CACUL1: variants seen among roughly 807,000 people sequenced by gnomAD.
The protein encoded by CACUL1 is CDK2-associated and cullin domain-containing protein 1.
Under a neutral mutation model 45.2 loss-of-function variants are expected in CACUL1, and 13 were observed. That is an observed-to-expected ratio of 0.29 (90% CI 0.19 to 0.46). CACUL1 has a LOEUF of 0.46. Ranked by LOEUF, CACUL1 falls within the 20% of genes least tolerant of loss-of-function variation. The probability of loss-of-function intolerance (pLI) is 1.00; values close to 1 mark genes in which losing one functional copy is unlikely to be tolerated. For missense variants in CACUL1, 421 were observed against 471.4 expected, an observed-to-expected ratio of 0.89 and a Z score of 0.99; for synonymous variants, 197 against 174.2, an observed-to-expected ratio of 1.13 and a Z score of -1.03.
chr10:118,716,520 A>G (rs1324792241), intron 3 of CACUL1, among the ~76,000 whole-genome samples: 1 of 151,986 alleles, frequency 6.6e-6, no homozygotes, highest in Non-Finnish European at 1.5e-5. Context: ...TGTTTATGTT[A>G]TCCAGGTCTG....
chr10:118,703,652 A>G (rs1002897687), intron 4 of CACUL1, among the ~76,000 whole-genome samples: 3 of 152,238 alleles, frequency 2.0e-5, no homozygotes, highest in Non-Finnish European at 4.4e-5. Flanking sequence ...ATAGTCTTCC[A>G]AAGAGGCTTT....
intron 3 of CACUL1, among the ~76,000 whole-genome samples, chr10:118,717,818 AAG>A (rs1398447488): frequency 2.6e-5 from 4 of 152,164 alleles, no homozygotes; most frequent in African/African-American, 9.7e-5. Context: ...CTGGGTCATC[AAG>A]AGAAGGACTG....
At chr10:118,750,640 G>T (rs553606323) in intron 1 of CACUL1, among the ~76,000 whole-genome samples, 1 of 152,072 alleles carries the variant, frequency 6.6e-6, no homozygotes, top group Non-Finnish European at 1.5e-5. Context: ...ACATTAACGC[G>T]GCAGCTATCT....
chr10:118,754,254 G>A (rs1014574245), intron 1 of CACUL1, 142 bp downstream of exon 1: 5 of 1,259,478 alleles, frequency 4.0e-6, no homozygotes, highest in Non-Finnish European at 4.2e-6. Context: ...GGGGAAGGAG[G>A]CAGGGAGGCG....
chr10:118,705,538 A>C (rs1177467520), intron 4 of CACUL1, among the ~76,000 whole-genome samples: 2 of 152,326 alleles, frequency 1.3e-5, no homozygotes, highest in East Asian at 3.9e-4. Flanking sequence ...TAGAAACTCA[A>C]GTTAGTCTAC....
intron 1 of CACUL1, among the ~76,000 whole-genome samples, chr10:118,743,865 T>TAA (rs769001925): frequency 1.3e-4 from 19 of 151,672 alleles, no homozygotes; most frequent in Admixed American, 3.9e-4. Context: ...GAAGATAAAA[T>TAA]AAAGATCTCT....
At chr10:118,724,947 A>C (rs1392989443) in intron 3 of CACUL1, among the ~76,000 whole-genome samples, 2 of 152,078 alleles carry the variant, frequency 1.3e-5, no homozygotes, top group Non-Finnish European at 2.9e-5. Flanking sequence ...GTAGGTCCTA[A>C]TGTTAGGGTC....
At chr10:118,743,241 G>A (rs898006745) in intron 1 of CACUL1, among the ~76,000 whole-genome samples, 1 of 152,006 alleles carries the variant, frequency 6.6e-6, no homozygotes, top group Non-Finnish European at 1.5e-5. Flanking sequence ...GTGACTCATG[G>A]TACAATAACA....
rs17097999 is a variant in CACUL1, at chr10:118,730,556, A to C, written c.368-146T>G. On this transcript the variant is annotated intron_variant, in intron 1 of 8. Transcript: ENST00000369151. ...ATCACCTAACTATCCTATTTCAATT[A>C]AAAACAAAAAAGGCAACCTGGTCAA... is the stretch of plus-strand genomic sequence containing the variant. 880 of 800,190 alleles carry C rather than the reference A, an allele frequency of 1.1e-3. 8 individuals are homozygous for C. The African/African-American group carries it at 0.014, about 13-fold the overall frequency. 49.6% of individuals were successfully genotyped at this position (800,190 alleles called of 1,614,324 possible).
chr10:118,729,171 A>G (rs1260284039), intron 3 of CACUL1, 124 bp downstream of exon 3: 5 of 653,846 alleles, frequency 7.6e-6, no homozygotes, highest in Non-Finnish European at 1.3e-5. Context: ...ACATTCACCT[A>G]GAAAACATTT....
At chr10:118,691,056 C>T (rs560572875) in intron 7 of CACUL1, among the ~76,000 whole-genome samples, 2 of 152,242 alleles carry the variant, frequency 1.3e-5, no homozygotes, top group African/African-American at 2.4e-5. Context: ...ATCTCAAAAA[C>T]AAAACGTACG....
At chr10:118,699,576 T>G (rs1266908259) in intron 5 of CACUL1, among the ~76,000 whole-genome samples, 2 of 152,144 alleles carry the variant, frequency 1.3e-5, no homozygotes, top group African/African-American at 4.8e-5. Flanking sequence ...TATCTTGTCA[T>G]GAAAGCAAAA....
chr10:118,702,021 A>C (rs1845385022), intron 4 of CACUL1, among the ~76,000 whole-genome samples: 1 of 152,170 alleles, frequency 6.6e-6, no homozygotes, highest in Non-Finnish European at 1.5e-5. Flanking sequence ...CAGATGGCCT[A>C]ACGCAACTGA....
At chr10:118,693,064 T>C (rs1341067301) in intron 6 of CACUL1, 4 of 152,262 alleles carry the variant, frequency 2.6e-5, no homozygotes. Flanking sequence ...AAACAAAGTG[T>C]GTGTATTAAA....
intron 1 of CACUL1, among the ~76,000 whole-genome samples, chr10:118,740,362 C>T (rs1238071412): frequency 2.0e-5 from 3 of 152,160 alleles, no homozygotes; most frequent in African/African-American, 7.2e-5. Context: ...GTAATCCCAG[C>T]ACTTTGGGAG....
chr10:118,689,630 A>G (rs945728326), intron 7 of CACUL1, among the ~76,000 whole-genome samples: 3 of 152,202 alleles, frequency 2.0e-5, no homozygotes, highest in African/African-American at 7.2e-5. Flanking sequence ...ACACAATGCA[A>G]CCTGAGGTTA....
intron 3 of CACUL1, among the ~76,000 whole-genome samples, chr10:118,728,167 C>T (rs2119638155): frequency 6.6e-6 from 1 of 152,210 alleles, no homozygotes; most frequent in African/African-American, 2.4e-5. Context: ...CACAAAAAAA[C>T]TAAGCTATCT....
chr10:118,726,108 G>A (rs888582127), intron 3 of CACUL1, among the ~76,000 whole-genome samples: 1 of 152,252 alleles, frequency 6.6e-6, no homozygotes, highest in East Asian at 1.9e-4. Flanking sequence ...ATTTCATTAT[G>A]AAAACCAGAG....
At chr10:118,740,289 T>C (rs1381913808) in intron 1 of CACUL1, among the ~76,000 whole-genome samples, 1 of 152,214 alleles carries the variant, frequency 6.6e-6, no homozygotes, top group Non-Finnish European at 1.5e-5. Flanking sequence ...TACATAGCTA[T>C]AATGTAAATA....
Sources: gnomAD v4.1 joint callset for allele counts (sites outside exome capture counted in the v4.1 genomes callset) on GRCh38, gnomAD v4.1.1 for gene constraint, MANE v1.5 for transcripts, NCBI Gene and HGNC (gene_info 2026-07-23, HGNC 2026-07-21) for gene names.